BCORL1: variants seen among roughly 807,000 people sequenced by gnomAD.
The protein encoded by BCORL1 is BCL6 corepressor like 1, also known as BCL-6 corepressor-like protein 1.
A neutral mutation model predicts 87.6 loss-of-function variants in BCORL1; 7 were observed. The observed-to-expected ratio is 0.08, with a 90% CI of 0.05 to 0.15. BCORL1 has a LOEUF of 0.15. BCORL1 is among the 10% of genes least tolerant of loss of function. The pLI, the probability that BCORL1 is intolerant of heterozygous loss-of-function variation, is 1.00. For missense variants in BCORL1, 1,215 were observed against 1,499.7 expected (o/e 0.81, Z 3.13); for synonymous variants, 591 against 634.4 (o/e 0.93, Z 1.03).
chrX:130,024,195 G>T (rs2082535675), intron 6 of BCORL1, among the ~76,000 whole-genome samples: 1 of 111,720 alleles, frequency 9.0e-6, no homozygotes, highest in Non-Finnish European at 1.9e-5. Flanking sequence ...GCTGAGGAAG[G>T]CAGGAAAGGT....
intron 4 of BCORL1, among the ~76,000 whole-genome samples, chrX:130,016,862 G>A (rs748196330): frequency 1.7e-3 from 188 of 111,787 alleles, no homozygotes; most frequent in Admixed American, 3.1e-3. Context: ...AGAGTTCTAG[G>A]CAAAAAGGTG....
At chrX:130,040,414 C>T (rs1473528093) in intron 11 of BCORL1, among the ~76,000 whole-genome samples, 1 of 112,185 alleles carries the variant, frequency 8.9e-6, no homozygotes, top group Non-Finnish European at 1.9e-5. Context: ...ACTAGGTAGG[C>T]GGTGAGTGGG....
intron 7 of BCORL1, among the ~76,000 whole-genome samples, chrX:130,027,505 G>A (rs1014938621): frequency 8.9e-6 from 1 of 112,335 alleles, no homozygotes; most frequent in East Asian, 2.8e-4. Context: ...GTGAGAGCCC[G>A]TGTCAGGGTT....
intron 1 of BCORL1, among the ~76,000 whole-genome samples, chrX:129,999,060 GTTT>G (rs10566190): frequency 0.086 from 7,507 of 87,302 alleles, 785 homozygotes; most frequent in African/African-American, 0.28. Flanking sequence ...ATTTTTTGTG[GTTT>G]TTTTTTTTTT....
intron 2 of BCORL1, among the ~76,000 whole-genome samples, chrX:130,005,814 G>A (rs1329155433): frequency 1.9e-5 from 2 of 106,956 alleles, no homozygotes; most frequent in Non-Finnish European, 3.9e-5. Flanking sequence ...TTTTAGAGAC[G>A]GGGGTTTCGC....
At chrX:130,038,551 G>A (rs2124536312) in intron 10 of BCORL1, among the ~76,000 whole-genome samples, 1 of 107,808 alleles carries the variant, frequency 9.3e-6, no homozygotes, top group African/African-American at 3.4e-5. Flanking sequence ...GCACAATCTT[G>A]GCTCGCTGCA....
chrX:130,028,691 A>C lies in BCORL1; in HGVS notation c.4135A>C (p.Arg1379=), dbSNP rs1408428116. Residue 1379 remains arginine, a synonymous_variant, in exon 8 of 14, where the codon AGG becomes CGG. Transcript: ENST00000540052. ...SSSQSLEHRL[R]NRNLLLPNKV... is the part of the protein sequence containing the mutation. ...CTCCCAAAGTTTGGAGCACCGCCTCAGGAACAGGAACCTTCTCTTGCCCAA... is the reference window on the plus strand; with the variant it reads ...CTCCCAAAGTTTGGAGCACCGCCTCCGGAACAGGAACCTTCTCTTGCCCAA... The C allele has an allele frequency of 1.7e-6, 2 of 1,208,500 alleles. No individual in the cohort carries two copies. Among genetic ancestry groups the C allele is most frequent in the Non-Finnish European group, 2.2e-6 (2 of 894,995 alleles).
chrX:129,990,243 C>G (rs1439922339), intron 1 of BCORL1, among the ~76,000 whole-genome samples: 1 of 109,801 alleles, frequency 9.1e-6, no homozygotes, highest in African/African-American at 3.3e-5. Context: ...TTTTCTTTTT[C>G]TTTTTTGAGA....
chrX:129,991,073 C>CT (rs1217294388), intron 1 of BCORL1, among the ~76,000 whole-genome samples: 4 of 111,172 alleles, frequency 3.6e-5, no homozygotes, highest in Non-Finnish European at 5.7e-5. Context: ...GTAGCTGGGA[C>CT]TATAGGTGTG....
At chrX:129,990,012 C>T (rs1156412393) in intron 1 of BCORL1, among the ~76,000 whole-genome samples, 3 of 110,569 alleles carry the variant, frequency 2.7e-5, no homozygotes, top group African/African-American at 9.9e-5. Context: ...TCTCGAACTC[C>T]TGACCTCAGG....
chrX:130,046,913 T>G, intron 11 of BCORL1, among the ~76,000 whole-genome samples: 1 of 99,273 alleles, frequency 1.0e-5, no homozygotes, highest in East Asian at 3.1e-4. Context: ...CCATTCCCCC[T>G]TCCTCCCTGC....
Position 129,982,725 on chromosome X carries a change from G to T in BCORL1, c.-82G>T, listed in dbSNP as rs1740006943. On this transcript the variant is annotated 5_prime_UTR_variant, in exon 1 of 14. Transcript: ENST00000540052. Reference sequence around the variant, plus strand: ...TCCCTTCTTCCTCTCAGTTCCTAGAGTCCGACCGCCGCCGCCGCCGAGAGA... The same window carrying T: ...TCCCTTCTTCCTCTCAGTTCCTAGATTCCGACCGCCGCCGCCGCCGAGAGA... 9.0e-6 allele frequency: 1 copy of T among 110,996 alleles called. No homozygotes were observed. Among genetic ancestry groups the T allele is most frequent in the African/African-American group, 3.3e-5 (1 of 30,393 alleles). 9.1% of individuals were successfully genotyped at this position (110,996 alleles called of 1,213,427 possible). A position where few individuals can be genotyped will look rare whatever the true frequency, so the allele number is the denominator to read the frequency against.
At chrX:129,988,073 G>C (rs777687132) in intron 1 of BCORL1, among the ~76,000 whole-genome samples, 6 of 111,836 alleles carry the variant, frequency 5.4e-5, no homozygotes, top group African/African-American at 1.9e-4. Flanking sequence ...TTAGGTGTGA[G>C]TCCATGGTTG....
At chrX:129,999,687 C>T (rs1209002946) in intron 1 of BCORL1, among the ~76,000 whole-genome samples, 2 of 101,860 alleles carry the variant, frequency 2.0e-5, no homozygotes, top group African/African-American at 3.6e-5. Flanking sequence ...TTCTTTTTCC[C>T]CCCCCCCAGA....
intron 1 of BCORL1, among the ~76,000 whole-genome samples, chrX:129,998,611 G>A (rs140493718): frequency 0.016 from 1,794 of 112,001 alleles, 31 homozygotes; most frequent in African/African-American, 0.054. Flanking sequence ...AAGCTCCTCG[G>A]TGATTCTGGC....
chrX:130,026,832 GGGT>G (rs894767499), intron 7 of BCORL1, among the ~76,000 whole-genome samples: 1 of 113,456 alleles, frequency 8.8e-6, no homozygotes, highest in African/African-American at 3.2e-5. Flanking sequence ...ATGTGTCTAA[GGGT>G]TTTGCATTGA....
intron 9 of BCORL1, among the ~76,000 whole-genome samples, chrX:130,035,006 T>C (rs1311919264): frequency 9.0e-6 from 1 of 111,608 alleles, no homozygotes; most frequent in Non-Finnish European, 1.9e-5. Context: ...GATTTATTGC[T>C]CACTCTTCAT....
At chrX:129,998,350 G>C (rs757265192) in intron 1 of BCORL1, among the ~76,000 whole-genome samples, 1 of 107,154 alleles carries the variant, frequency 9.3e-6, no homozygotes, top group African/African-American at 3.4e-5. Context: ...GAGAGAGGGA[G>C]AGTAGGCGGG....
At position 130,044,036 on chromosome X, in the gene BCORL1, G is replaced by C. The variant is rs866053851; in HGVS notation, c.4840+4754G>C. Among the ~76,000 whole-genome samples, 117 of 105,698 alleles carry C rather than the reference G, an allele frequency of 1.1e-3. 2 individuals carry two copies. The highest frequency in any genetic ancestry group is 2.7e-4 in the Non-Finnish European group (14 of 51,629). 91.8% of individuals were successfully genotyped at this position (105,698 alleles called of 115,157 possible). A position where few individuals can be genotyped will look rare whatever the true frequency, so the allele number is the denominator to read the frequency against. ...TCCGCTCGCCTCGGCCTCCCAAAGTGCTGGGATTACAGGCGTGAGCCACCA... is the reference window on the plus strand; with the variant it reads ...TCCGCTCGCCTCGGCCTCCCAAAGTCCTGGGATTACAGGCGTGAGCCACCA... On this transcript the variant is annotated intron_variant, in intron 11 of 13. Coordinates refer to ENST00000540052, the MANE Select transcript of BCORL1 (RefSeq NM_001379451.1).
Sources: gnomAD v4.1 joint callset for allele counts (sites outside exome capture counted in the v4.1 genomes callset) on GRCh38, gnomAD v4.1.1 for gene constraint, MANE v1.5 for transcripts, NCBI Gene and HGNC (gene_info 2026-07-23, HGNC 2026-07-21) for gene names.